The following CTNNA3 variants were observed in gnomAD, a reference collection of about 807,000 sequenced individuals.
The protein encoded by CTNNA3 is catenin alpha 3.
CTNNA3 carries 76 observed loss-of-function variants against 95.7 expected under a neutral mutation model. The observed-to-expected ratio is 0.79, with a 90% CI of 0.66 to 0.96. CTNNA3 has a LOEUF of 0.96. Ranked by LOEUF, CTNNA3 falls within the 40% of genes least tolerant of loss-of-function variation. The pLI, the probability that CTNNA3 is intolerant of heterozygous loss-of-function variation, is 0.00. For synonymous variants in CTNNA3, 431 were observed against 374.4 expected (o/e 1.15, Z -1.74); for missense variants, 1,191 against 1,089.8 (o/e 1.09, Z -1.31).
intron 13 of CTNNA3, among the ~76,000 whole-genome samples, chr10:66,140,627 A>T (rs897533625): frequency 1.3e-5 from 2 of 152,196 alleles, no homozygotes; most frequent in East Asian, 3.9e-4. Flanking sequence ...GTCACTGTTG[A>T]ACAACATACC....
intron 5 of CTNNA3, among the ~76,000 whole-genome samples, chr10:67,224,601 G>C (rs988687117): frequency 6.6e-6 from 1 of 152,140 alleles, no homozygotes; most frequent in Non-Finnish European, 1.5e-5. Context: ...AACCCCACTG[G>C]GGCAAATGAA....
chr10:66,106,674 T>C (rs1349069842), intron 13 of CTNNA3, among the ~76,000 whole-genome samples: 1 of 152,152 alleles, frequency 6.6e-6, no homozygotes, highest in Non-Finnish European at 1.5e-5. Context: ...GTTTGTTGCT[T>C]TTCCTCTTCT....
At chr10:67,308,491 T>C (rs937544907) in intron 5 of CTNNA3, among the ~76,000 whole-genome samples, 3 of 152,172 alleles carry the variant, frequency 2.0e-5, no homozygotes, top group Non-Finnish European at 4.4e-5. Context: ...GAACTGTGAG[T>C]CCATTAAATC....
At chr10:66,162,895 G>C (rs1004101883) in intron 13 of CTNNA3, among the ~76,000 whole-genome samples, 3 of 151,812 alleles carry the variant, frequency 2.0e-5, no homozygotes, top group Admixed American at 6.6e-5. Context: ...CAGCTGCTGT[G>C]GGGGGTGGGG....
At chr10:66,563,178 A>T (rs1474049201) in intron 10 of CTNNA3, among the ~76,000 whole-genome samples, 2 of 152,124 alleles carry the variant, frequency 1.3e-5, no homozygotes, top group Non-Finnish European at 2.9e-5. Flanking sequence ...TAGAATAACC[A>T]CTGCTTTTTT....
intron 13 of CTNNA3, among the ~76,000 whole-genome samples, chr10:66,234,741 T>A (rs780548021): frequency 1.3e-4 from 20 of 152,164 alleles, no homozygotes; most frequent in Non-Finnish European, 2.9e-4. Context: ...CCTCTTATTA[T>A]TTACAACTAT....
At chr10:67,582,110 T>C (rs1288016830) in intron 3 of CTNNA3, among the ~76,000 whole-genome samples, 1 of 145,210 alleles carries the variant, frequency 6.9e-6, no homozygotes, top group Non-Finnish European at 1.5e-5. Flanking sequence ...AGCGTTTGAA[T>C]GTGTTTGCTC....
chr10:66,017,905 CT>C (rs2079125743), intron 15 of CTNNA3, among the ~76,000 whole-genome samples: 1 of 152,012 alleles, frequency 6.6e-6, no homozygotes, highest in African/African-American at 2.4e-5. Flanking sequence ...ACATGATTTG[CT>C]TTCATATCCT....
chr10:67,633,051 G>A (rs1472354116), intron 2 of CTNNA3, among the ~76,000 whole-genome samples: 1 of 152,188 alleles, frequency 6.6e-6, no homozygotes, highest in African/African-American at 2.4e-5. Context: ...TGATGGCTTT[G>A]GAGAATACAA....
chr10:66,324,188 C>T (rs372554059), intron 12 of CTNNA3, among the ~76,000 whole-genome samples: 12 of 151,732 alleles, frequency 7.9e-5, no homozygotes, highest in Middle Eastern at 6.8e-3. Context: ...GGTGTGGTGG[C>T]GCACACCTGT....
chr10:66,931,156 A>G (rs1847363820), intron 7 of CTNNA3, among the ~76,000 whole-genome samples: 1 of 150,986 alleles, frequency 6.6e-6, no homozygotes, highest in Admixed American at 6.6e-5. Context: ...ACGTATTTAC[A>G]TAAAATATTG....
intron 5 of CTNNA3, among the ~76,000 whole-genome samples, chr10:67,475,137 C>T (rs777948414): frequency 4.6e-5 from 7 of 152,114 alleles, no homozygotes; most frequent in Non-Finnish European, 8.8e-5. Flanking sequence ...GAATCCTAAA[C>T]GCATTATGCT....
chr10:67,617,252 C>T (rs908046076), intron 2 of CTNNA3, among the ~76,000 whole-genome samples: 1 of 152,144 alleles, frequency 6.6e-6, no homozygotes, highest in Admixed American at 6.5e-5. Context: ...TCATGATTCT[C>T]TCCCTCCACC....
chr10:67,210,600 G>A (rs147004718), intron 6 of CTNNA3, among the ~76,000 whole-genome samples: 56 of 151,910 alleles, frequency 3.7e-4, no homozygotes, highest in Middle Eastern at 3.4e-3. Flanking sequence ...TTTTATTGAG[G>A]TTTTCTTTGC....
chr10:66,633,347 G>A (rs1845212165), intron 9 of CTNNA3, among the ~76,000 whole-genome samples: 1 of 152,156 alleles, frequency 6.6e-6, no homozygotes, highest in Non-Finnish European at 1.5e-5. Flanking sequence ...AATTTTAAGT[G>A]AGATACTGCA....
At chr10:65,944,544 G>A (rs2077479850) in intron 17 of CTNNA3, among the ~76,000 whole-genome samples, 1 of 152,324 alleles carries the variant, frequency 6.6e-6, no homozygotes, top group Admixed American at 6.5e-5. Context: ...AATTAAGGGG[G>A]AAGGCAAAGT....
intron 15 of CTNNA3, among the ~76,000 whole-genome samples, chr10:66,036,085 A>G (rs2079556959): frequency 6.6e-6 from 1 of 152,160 alleles, no homozygotes; most frequent in South Asian, 2.1e-4. Flanking sequence ...TCAAAAATAA[A>G]TATCTCTTTC....
chr10:66,517,304 G>A (rs949894265), intron 11 of CTNNA3, among the ~76,000 whole-genome samples: 4 of 152,036 alleles, frequency 2.6e-5, no homozygotes, highest in African/African-American at 9.7e-5. Flanking sequence ...ATAGGAGCTT[G>A]GTAAAATGAT....
Position 67,644,634 on chromosome 10 carries a change from T to C in CTNNA3, c.99+2781A>G, listed in dbSNP as rs543777475. Among the ~76,000 whole-genome samples, 34 of 152,066 alleles carry C rather than the reference T, an allele frequency of 2.2e-4. 1 individual carries two copies. The highest frequency in any genetic ancestry group is 1.5e-3 in the South Asian group (7 of 4,824). ...ATTTTAAAATATAACTCTTTGACTTTGAAATGTACTGGTTTTTGATAAGGA... is the reference window on the plus strand; with the variant it reads ...ATTTTAAAATATAACTCTTTGACTTCGAAATGTACTGGTTTTTGATAAGGA... On this transcript the variant is annotated intron_variant, in intron 2 of 17. Coordinates refer to ENST00000433211, the MANE Select transcript of CTNNA3 (RefSeq NM_013266.4).
Sources: gnomAD v4.1 joint callset for allele counts (sites outside exome capture counted in the v4.1 genomes callset) on GRCh38, gnomAD v4.1.1 for gene constraint, MANE v1.5 for transcripts, NCBI Gene and HGNC (gene_info 2026-07-23, HGNC 2026-07-21) for gene names.